TLN1: variants seen among roughly 807,000 people sequenced by gnomAD.
The protein encoded by TLN1 is talin 1.
A neutral mutation model predicts 292.3 loss-of-function variants in TLN1; 56 were observed. The ratio of observed to expected loss-of-function variants is 0.19; its 90% confidence interval spans 0.15 to 0.24. TLN1 has a LOEUF of 0.24. Ranked by LOEUF, TLN1 falls within the 10% of genes least tolerant of loss-of-function variation. The pLI is 1.00. For synonymous variants in TLN1, 1,119 were observed against 1,253.7 expected, an observed-to-expected ratio of 0.89 and a Z score of 2.27; for missense variants, 2,433 against 3,248.2, an observed-to-expected ratio of 0.75 and a Z score of 6.10.
In TLN1 at chr9:35,707,879, G is replaced by A; in HGVS notation, c.4484C>T (p.Ala1495Val). Reference sequence around the variant, plus strand: ...AGAGGTGTGTTTAGCCACAATGGTGGCTGCAGAGAGCACCTGAGGAGACAC... The same window carrying A: ...AGAGGTGTGTTTAGCCACAATGGTGACTGCAGAGAGCACCTGAGGAGACAC... Reference protein sequence around the residue: ...GCTQAQVLSAATIVAKHTSAL... With the variant: ...GCTQAQVLSAVTIVAKHTSAL... Residue 1495 changes from alanine (A) to valine (V), a missense_variant, in exon 35 of 57, where the codon GCC (alanine) becomes GTC (valine). This residue lies in a region of TLN1 where 1,384 missense variants were observed against 1,699.6 expected (regional missense o/e 0.81). Coordinates refer to ENST00000314888, the MANE Select transcript of TLN1 (RefSeq NM_006289.4). The surrounding 1 kb of genome is among the most constrained non-coding windows in gnomAD (Gnocchi z 5.6). 1 of 1,613,970 alleles carries A rather than the reference G, an allele frequency of 6.2e-7. No individual in the cohort carries two copies.
Position 35,714,975 on chromosome 9 carries a change from C to T in TLN1, c.2754+84G>A. The T allele has an allele frequency of 1.2e-6, 2 of 1,610,962 alleles. No individual in the cohort carries two copies. Among genetic ancestry groups the T allele is most frequent in the South Asian group, 1.1e-5 (1 of 90,902 alleles). On this transcript the variant is annotated intron_variant, in intron 21 of 56. Transcript: ENST00000314888. This position sits in a 1 kb window ranked among gnomAD's most constrained non-coding sequence, Gnocchi z 4.6. ...AGGTTATGCCTCAAGGACGTATTAA[C>T]TTACTCTCCGCACCTCCCTTTCAGT...
Position 35,713,229 on chromosome 9 carries a change from C to G in TLN1, c.3319G>C (p.Gly1107Arg). ...AVSSAIAQLL[G>R]EVAQGNENYA... is the part of the protein sequence containing the mutation. ...TTCTCATTGCCCTGGGCAACCTCTC[C>G]CAGTAGCTGGGCGATGGCTGAGCTC... is the stretch of plus-strand genomic sequence containing the variant. Residue 1107 changes from glycine to arginine, a missense_variant, in exon 26 of 57, where the codon GGA becomes CGA. Physicochemically the swap from Gly to Arg is moderately radical, Grantham distance 125. Transcript: ENST00000314888. 6.3e-7 allele frequency: 1 copy of G among 1,597,994 alleles called. No homozygotes were observed. Among genetic ancestry groups the G allele is most frequent in the Non-Finnish European group, 8.6e-7 (1 of 1,166,456 alleles).
intron 1 of TLN1, among the ~76,000 whole-genome samples, chr9:35,728,676 C>G (rs1178886434): frequency 6.6e-6 from 1 of 152,218 alleles, no homozygotes; most frequent in African/African-American, 2.4e-5. Flanking sequence ...CCATCCTATG[C>G]ACACAGCTTT....
In TLN1 at chr9:35,697,413, G is replaced by A. The variant is rs1259638282; in HGVS notation, c.*378C>T. ...TCTGCAGCCCCTATGGGTAGCTGGGGGTGGGGGAAGATAGTATCAAAAAAC... is the reference window on the plus strand; with the variant it reads ...TCTGCAGCCCCTATGGGTAGCTGGGAGTGGGGGAAGATAGTATCAAAAAAC... On this transcript the variant is annotated 3_prime_UTR_variant, in exon 57 of 57. Transcript: ENST00000314888. 4.3e-6 allele frequency: 1 copy of A among 230,662 alleles called. No individual in the cohort carries two copies. Among genetic ancestry groups the A allele is most frequent in the South Asian group, 8.5e-5 (1 of 11,796 alleles). 14.3% of individuals were successfully genotyped at this position (230,662 alleles called of 1,614,324 possible). A position where few individuals can be genotyped will look rare whatever the true frequency, so the allele number is the denominator to read the frequency against.
In TLN1 at chr9:35,704,987, A is replaced by G. The variant is rs995982920; in HGVS notation, c.5734-172T>C. On this transcript the variant is annotated intron_variant, in intron 43 of 56. Transcript: ENST00000314888. The surrounding 1 kb of genome is among the most constrained non-coding windows in gnomAD (Gnocchi z 6.9). The stretch of plus-strand genomic sequence containing the variant: ...TTCCGGTTGCATATCCTTTAGGCAG[A>G]AGGTCACCTCCTACACACAGAAAAT... Among the ~76,000 whole-genome samples, 1 of 152,236 alleles carries G rather than the reference A, an allele frequency of 6.6e-6. No individual in the cohort carries two copies. The highest frequency in any genetic ancestry group is 6.5e-5 in the Admixed American group (1 of 15,280).
Position 35,719,342 on chromosome 9 carries a change from G to T in TLN1, c.1688-60C>A. 1 of 1,547,218 alleles carries T rather than the reference G, an allele frequency of 6.5e-7. No individual in the cohort carries two copies. The highest frequency in any genetic ancestry group is 8.9e-7 in the Non-Finnish European group (1 of 1,127,680). On this transcript the variant is annotated intron_variant, in intron 15 of 56. Coordinates refer to ENST00000314888, the MANE Select transcript of TLN1 (RefSeq NM_006289.4). This position sits in a 1 kb window ranked among gnomAD's most constrained non-coding sequence, Gnocchi z 4.6. ...CAGGGCAGGCCAGACGAAGGGCTGG[G>T]GAGGGAGCAAAGTCACACCCAGTTA...
chr9:35,723,769 T>C (rs961511641), intron 7 of TLN1, 183 bp downstream of exon 7: 4 of 832,290 alleles, frequency 4.8e-6, no homozygotes, highest in Non-Finnish European at 5.7e-6. Flanking sequence ...ACTACATTCA[T>C]ATTCCAGAGG....
chr9:35,697,643 C>A lies in TLN1; in HGVS notation c.*148G>T, dbSNP rs190502467. ...TGGGGAGGGGACAGGGGATGTACTG[C>A]GGGACTGGGCGGGGCCAGGCCCTGG... On this transcript the variant is annotated 3_prime_UTR_variant, in exon 57 of 57. Coordinates refer to ENST00000314888, the MANE Select transcript of TLN1 (RefSeq NM_006289.4). The A allele has an allele frequency of 1.7e-6, 2 of 1,187,806 alleles. No homozygotes were observed. The highest frequency in any genetic ancestry group is 3.1e-5 in the African/African-American group (2 of 63,500). 73.6% of individuals were successfully genotyped at this position (1,187,806 alleles called of 1,614,324 possible). A position where few individuals can be genotyped will look rare whatever the true frequency, so the allele number is the denominator to read the frequency against.
chr9:35,707,057 C>T lies in TLN1; in HGVS notation c.4955+15G>A, dbSNP rs741917. On this transcript the variant is annotated intron_variant, in intron 37 of 56. Transcript: ENST00000314888. The surrounding 1 kb of genome is among the most constrained non-coding windows in gnomAD (Gnocchi z 5.6). ...GTATGCCCCCCAGCCACACTGGTTC[C>T]CCATCCCTCAATACCTCATGCTTGT... is the stretch of plus-strand genomic sequence containing the variant. 436,029 of 1,609,454 alleles carry T rather than the reference C, an allele frequency of 0.27. 60,998 individuals carry two copies. Among genetic ancestry groups the T allele is most frequent in the Middle Eastern group, 0.34 (2,034 of 6,020 alleles).
In TLN1 at chr9:35,712,948, T is replaced by C. The variant is rs1428862216; in HGVS notation, c.3448A>G (p.Ile1150Val). The stretch of plus-strand genomic sequence containing the variant: ...ACATCACTGGCCGTATCAAGTACAA[T>C]GGCCTGCACTGCAGGATCTGACGTC... ...ALTSDPAVQA[I>V]VLDTASDVLD... The change falls in exon 27 of 57, where the codon ATT becomes GTT. Residue 1150 changes from isoleucine to valine, a missense_variant. Ile to Val is a conservative substitution (Grantham distance 29, BLOSUM62 3). This residue lies in a region of TLN1 where 1,384 missense variants were observed against 1,699.6 expected (regional missense o/e 0.81). Transcript: ENST00000314888. 3.1e-6 allele frequency: 5 copies of C among 1,610,340 alleles called. No individual in the cohort carries two copies. The highest frequency in any genetic ancestry group is 3.4e-5 in the Admixed American group (2 of 59,626).
intron 48 of TLN1, among the ~76,000 whole-genome samples, chr9:35,700,805 C>T (rs142993808): frequency 1.2e-3 from 181 of 152,282 alleles, no homozygotes; most frequent in Non-Finnish European, 2.0e-3. Flanking sequence ...TGGACTTTTA[C>T]ATAATATGTG....
In TLN1 at chr9:35,706,298, C is replaced by G; in HGVS notation, c.5259G>C (p.Leu1753=). 1 of 1,613,880 alleles carries G rather than the reference C, an allele frequency of 6.2e-7. No homozygotes were observed. Among genetic ancestry groups the G allele is most frequent in the Non-Finnish European group, 8.5e-7 (1 of 1,179,846 alleles). ...GGAGTGCCATCTGCTGCGGGTGGCT[C>G]AGGGTCTTGGAGGCAGCACCCACTG... ...LAAVGAASKT[L]SHPQQMALLD... The change falls in exon 40 of 57, where the codon CTG becomes CTC. Residue 1753 remains leucine (L), a synonymous_variant. Coordinates refer to ENST00000314888, the MANE Select transcript of TLN1 (RefSeq NM_006289.4). The surrounding 1 kb of genome is among the most constrained non-coding windows in gnomAD (Gnocchi z 4.2).
At chr9:35,723,108 T>A (rs1825905932) in intron 7 of TLN1, 187 bp from the exon 8 acceptor site, 1 of 390,588 alleles carries the variant, frequency 2.6e-6, no homozygotes, top group Non-Finnish European at 4.5e-6. Context: ...AAACTCTTCT[T>A]TTTTTTTTTT....
Position 35,724,225 on chromosome 9 carries a change from C to T in TLN1, c.621G>A (p.Arg207=), listed in dbSNP as rs1825927641. ...ACAGGAGGTTCAGCTGTACAGGGTC[C>T]CGGGAATCCACATTCTGGTCTGAGT... ...FFYSDQNVDS[R]DPVQLNLLYV... The change falls in exon 6 of 57, where the codon CGG becomes CGA. Residue 207 remains arginine (R), a synonymous_variant. Transcript: ENST00000314888. The surrounding 1 kb of genome is among the most constrained non-coding windows in gnomAD (Gnocchi z 4.7). The T allele has an allele frequency of 1.2e-6, 2 of 1,614,056 alleles. No homozygotes were observed. Among genetic ancestry groups the T allele is most frequent in the African/African-American group, 1.3e-5 (1 of 74,898 alleles).
Position 35,704,068 on chromosome 9 carries a change from C to G in TLN1, c.6154G>C (p.Val2052Leu). The change falls in exon 46 of 57, where the codon GTG becomes CTG. Residue 2052 changes from valine (V) to leucine (L), a missense_variant. This residue lies in a region of TLN1 where 1,384 missense variants were observed against 1,699.6 expected (regional missense o/e 0.81). Coordinates refer to ENST00000314888, the MANE Select transcript of TLN1 (RefSeq NM_006289.4). This position sits in a 1 kb window ranked among gnomAD's most constrained non-coding sequence, Gnocchi z 6.9. Reference protein sequence around the residue: ...EKLAQAAQSSVATITRLADVV... With the variant: ...EKLAQAAQSSLATITRLADVV... The stretch of plus-strand genomic sequence containing the variant: ...TCAGCGAGGCGGGTGATGGTCGCCA[C>G]GGAGGACTGGGCAGCCTGCGCCAAC... 6.2e-7 allele frequency: 1 copy of G among 1,613,860 alleles called. No homozygotes were observed. The highest frequency in any genetic ancestry group is 1.1e-5 in the South Asian group (1 of 91,074).
In TLN1 at chr9:35,717,706, C is replaced by T. The variant is rs929195869; in HGVS notation, c.2076G>A (p.Arg692=). Reference sequence around the variant, plus strand: ...GGGTCTGAAGTCCCGAGTCCTCTGTCCGCTGGGCCACACTCTTGGCCTTGA... The same window carrying T: ...GGGTCTGAAGTCCCGAGTCCTCTGTTCGCTGGGCCACACTCTTGGCCTTGA... ...LVLKAKSVAQ[R]TEDSGLQTQV... is the part of the protein sequence containing the mutation. Residue 692 remains arginine (R), a synonymous_variant, in exon 18 of 57, where the codon CGG becomes CGA. Coordinates refer to ENST00000314888, the MANE Select transcript of TLN1 (RefSeq NM_006289.4). This position sits in a 1 kb window ranked among gnomAD's most constrained non-coding sequence, Gnocchi z 4.7. The T allele has an allele frequency of 1.9e-6, 3 of 1,614,072 alleles. No individual in the cohort carries two copies. Among genetic ancestry groups the T allele is most frequent in the Admixed American group, 3.3e-5 (2 of 60,016 alleles).
At chr9:35,708,509 G>A (rs781551059) in intron 33 of TLN1, 25 bp from the exon 34 acceptor site, 1 of 1,534,170 alleles carries the variant, frequency 6.5e-7, no homozygotes, top group South Asian at 1.2e-5. Flanking sequence ...GGGGGTGGGG[G>A]TGAGGAATAA....
intron 1 of TLN1, among the ~76,000 whole-genome samples, chr9:35,731,484 T>C (rs956137220): frequency 6.6e-6 from 1 of 152,190 alleles, no homozygotes; most frequent in African/African-American, 2.4e-5. Flanking sequence ...GATTCCTAAC[T>C]CACGCTTTCA....
Position 35,714,763 on chromosome 9 carries a change from G to A in TLN1, c.2868C>T (p.Cys956=). 1.3e-6 allele frequency: 2 copies of A among 1,599,910 alleles called. No individual in the cohort carries two copies. The highest frequency in any genetic ancestry group is 1.1e-5 in the South Asian group (1 of 88,688). ...CACATCCTTCCTAGAGTCTTACCTT[G>A]CAGCTCTGCACCAGCAGGGGCTGGG... ...AGPQPLLVQS[C]KAVAEQIPLL... Residue 956 remains cysteine (C), a synonymous_variant, in exon 22 of 57, where the codon TGC becomes TGT. Transcript: ENST00000314888. The surrounding 1 kb of genome is among the most constrained non-coding windows in gnomAD (Gnocchi z 4.6).
Sources: gnomAD v4.1 joint callset for allele counts (sites outside exome capture counted in the v4.1 genomes callset) on GRCh38, gnomAD v4.1.1 for gene constraint, gnomAD v4.1.1 regional missense constraint, Gnocchi (gnomAD v3.1) non-coding constraint, MANE v1.5 for transcripts, NCBI Gene and HGNC (gene_info 2026-07-23, HGNC 2026-07-21) for gene names.